The following PCDHGB5 variants were observed in gnomAD, a reference collection of about 807,000 sequenced individuals.
The protein encoded by PCDHGB5 is protocadherin gamma subfamily B, 5.
Under a neutral mutation model 62.9 loss-of-function variants are expected in PCDHGB5, and 48 were observed. The ratio of observed to expected loss-of-function variants is 0.76; its 90% confidence interval spans 0.61 to 0.97. The LOEUF (loss-of-function observed/expected upper bound fraction) is 0.97, where lower values mean the gene tolerates loss of function less well. PCDHGB5 is among the 50% of genes least tolerant of loss of function. The pLI is 0.00. For missense variants in PCDHGB5, 1,118 were observed against 1,198.6 expected (o/e 0.93, Z 0.99); for synonymous variants, 474 against 511.2 (o/e 0.93, Z 0.98).
At position 141,477,632 on chromosome 5, in the gene PCDHGB5, G is replaced by A. The variant is rs1262622928; in HGVS notation, c.2398-17175G>A. Reference sequence around the variant, plus strand: ...GGAGCAAGGAGCTGAAACCGGGCTAGTGGGTCGCTATTTCACAATAAATCG... The same window carrying A: ...GGAGCAAGGAGCTGAAACCGGGCTAATGGGTCGCTATTTCACAATAAATCG... On this transcript the variant is annotated intron_variant, in intron 1 of 3. Coordinates refer to ENST00000617380, the MANE Select transcript of PCDHGB5 (RefSeq NM_018925.3). This position sits in a 1 kb window ranked among gnomAD's most constrained non-coding sequence, Gnocchi z 4.9. 6.8e-6 allele frequency: 11 copies of A among 1,614,218 alleles called. No homozygotes were observed. Among genetic ancestry groups the A allele is most frequent in the Non-Finnish European group, 9.3e-6 (11 of 1,180,046 alleles).
chr5:141,476,523 C>G lies in PCDHGB5; in HGVS notation c.2398-18284C>G. On this transcript the variant is annotated intron_variant, in intron 1 of 3. Transcript: ENST00000617380. This position sits in a 1 kb window ranked among gnomAD's most constrained non-coding sequence, Gnocchi z 7.6. ...ATCAACGACAACAATCCTGCTTTCC[C>G]TACCCAGGAAATGAAATTGGAGATT... is the stretch of plus-strand genomic sequence containing the variant. 1 of 1,614,218 alleles carries G rather than the reference C, an allele frequency of 6.2e-7. No individual in the cohort carries two copies.
rs773703641 is a variant in PCDHGB5, at chr5:141,477,856, G to A, written c.2398-16951G>A. On this transcript the variant is annotated intron_variant, in intron 1 of 3. Transcript: ENST00000617380. The surrounding 1 kb of genome is among the most constrained non-coding windows in gnomAD (Gnocchi z 4.9). ...CAGGTGGGAGCTCGGTGGAGATGCT[G>A]CCTCGAGGTACCTCAGCTGGCCACC... is the stretch of plus-strand genomic sequence containing the variant. 6.2e-7 allele frequency: 1 copy of A among 1,613,592 alleles called. No homozygotes were observed. Among genetic ancestry groups the A allele is most frequent in the Admixed American group, 1.7e-5 (1 of 59,976 alleles).
chr5:141,407,345 T>C (rs1025383467), intron 1 of PCDHGB5, among the ~76,000 whole-genome samples: 2 of 152,188 alleles, frequency 1.3e-5, no homozygotes, highest in African/African-American at 4.8e-5. Flanking sequence ...TGTATGTTAA[T>C]TTGGGGAAAA....
In PCDHGB5 at chr5:141,486,748, T is replaced by C; in HGVS notation, c.2398-8059T>C. ...TTCATGCTACTCGATCCTTTGACTA[T>C]GAGCAAACCCAGACACTGCAGTTTG... is the stretch of plus-strand genomic sequence containing the variant. On this transcript the variant is annotated intron_variant, in intron 1 of 3. Coordinates refer to ENST00000617380, the MANE Select transcript of PCDHGB5 (RefSeq NM_018925.3). The surrounding 1 kb of genome is among the most constrained non-coding windows in gnomAD (Gnocchi z 5.0). 6.2e-7 allele frequency: 1 copy of C among 1,614,230 alleles called. No individual in the cohort carries two copies. The highest frequency in any genetic ancestry group is 8.5e-7 in the Non-Finnish European group (1 of 1,180,042).
intron 1 of PCDHGB5, chr5:141,419,335 T>C: frequency 6.2e-7 from 1 of 1,613,886 alleles, no homozygotes; most frequent in Non-Finnish European, 8.5e-7. Context: ...ACTCTCTCAT[T>C]GCCAGCGACC....
At position 141,403,695 on chromosome 5, in the gene PCDHGB5, G is replaced by T. The variant is rs376074779; in HGVS notation, c.2397+3171G>T. On this transcript the variant is annotated intron_variant, in intron 1 of 3. Transcript: ENST00000617380. ...CCGGTTTTTGCTCAACGGATTTACC[G>T]AGTTAAAGTCCTTGAGAACGTGCCC... The T allele has an allele frequency of 2.9e-5, 46 of 1,613,780 alleles. No individual in the cohort carries two copies. The highest frequency in any genetic ancestry group is 3.7e-5 in the Non-Finnish European group (44 of 1,179,906).
chr5:141,416,722 A>G (rs891558095), intron 1 of PCDHGB5: 3 of 152,258 alleles, frequency 2.0e-5, no homozygotes, highest in Admixed American at 6.5e-5. Context: ...TGATGAGTTC[A>G]TTTAGTTCAA....
chr5:141,407,089 TTTTA>T (rs2094885755), intron 1 of PCDHGB5, among the ~76,000 whole-genome samples: 2 of 152,196 alleles, frequency 1.3e-5, no homozygotes, highest in South Asian at 4.1e-4. Flanking sequence ...TGAAGAATTG[TTTTA>T]TTTGTTTGTA....
At chr5:141,408,036 A>C in intron 1 of PCDHGB5, 1 of 1,132,834 alleles carries the variant, frequency 8.8e-7, no homozygotes, top group Non-Finnish European at 1.2e-6. Flanking sequence ...GAAGAAAACC[A>C]GCTCCCACAC....
Position 141,431,461 on chromosome 5 carries a change from T to C in PCDHGB5, c.2397+30937T>C, listed in dbSNP as rs1477501293. 1 of 1,613,800 alleles carries C rather than the reference T, an allele frequency of 6.2e-7. No individual in the cohort carries two copies. Among genetic ancestry groups the C allele is most frequent in the Admixed American group, 1.7e-5 (1 of 60,032 alleles). ...CGCGCATCCGCGTGATGGTTCTGGA[T>C]GCGAACGACAACGCACCAGCGTTTG... On this transcript the variant is annotated intron_variant, in intron 1 of 3. Transcript: ENST00000617380. The surrounding 1 kb of genome is among the most constrained non-coding windows in gnomAD (Gnocchi z 4.8).
At chr5:141,409,388 T>C in intron 1 of PCDHGB5, 1 of 1,614,018 alleles carries the variant, frequency 6.2e-7, no homozygotes, top group Non-Finnish European at 8.5e-7. Flanking sequence ...CAAGATTTAT[T>C]CTTCTTCCAA....
At chr5:141,508,682 C>G (rs2099870913) in intron 3 of PCDHGB5, among the ~76,000 whole-genome samples, 1 of 152,080 alleles carries the variant, frequency 6.6e-6, no homozygotes, top group Non-Finnish European at 1.5e-5. Context: ...TCCCTTCTCC[C>G]TGCTTCTCCG....
chr5:141,478,396 G>T (rs150499152), intron 1 of PCDHGB5: 2 of 1,613,446 alleles, frequency 1.2e-6, no homozygotes, highest in African/African-American at 2.7e-5. Flanking sequence ...ACCATCAGGT[G>T]TATCTCACCA....
At chr5:141,508,538 G>C (rs1383873129) in intron 3 of PCDHGB5, among the ~76,000 whole-genome samples, 1 of 152,120 alleles carries the variant, frequency 6.6e-6, no homozygotes, top group African/African-American at 2.4e-5. Flanking sequence ...CACCCCCCAC[G>C]AGGTGGGCGG....
chr5:141,406,344 A>G (rs1227863234), intron 1 of PCDHGB5, among the ~76,000 whole-genome samples: 1 of 152,148 alleles, frequency 6.6e-6, no homozygotes, highest in Non-Finnish European at 1.5e-5. Flanking sequence ...TCATTTATTC[A>G]GGTCATACTA....
intron 1 of PCDHGB5, chr5:141,422,717 T>A: frequency 6.2e-7 from 1 of 1,604,832 alleles, no homozygotes; most frequent in Non-Finnish European, 8.5e-7. Flanking sequence ...GATGACACTG[T>A]CCAGGGGGTG....
intron 1 of PCDHGB5, chr5:141,442,380 T>G (rs1235241143): frequency 2.6e-5 from 4 of 152,244 alleles, no homozygotes; most frequent in Non-Finnish European, 4.4e-5. Flanking sequence ...TCCTACCAGG[T>G]GTGTGCTTCT....
At chr5:141,415,275 G>T in intron 1 of PCDHGB5, 5 of 1,614,212 alleles carry the variant, frequency 3.1e-6, no homozygotes, top group Non-Finnish European at 4.2e-6. Flanking sequence ...TGGTGGTAGC[G>T]GTGGCCGCGG....
chr5:141,472,505 A>G (rs1041224118), intron 1 of PCDHGB5, among the ~76,000 whole-genome samples: 4 of 152,004 alleles, frequency 2.6e-5, no homozygotes, highest in African/African-American at 7.3e-5. Context: ...GTGCCACTGC[A>G]CTCCAGCCTG....
Sources: allele counts gnomAD v4.1 joint callset (sites outside exome capture counted in the v4.1 genomes callset), GRCh38; gene constraint gnomAD v4.1.1; non-coding constraint Gnocchi (gnomAD v3.1); transcripts MANE v1.5; gene names NCBI Gene and HGNC (gene_info 2026-07-23, HGNC 2026-07-21).